MRPS23: variants seen among roughly 807,000 people sequenced by gnomAD.
The protein encoded by MRPS23 is mitochondrial ribosomal protein S23, also known as small ribosomal subunit protein mS23.
Under a neutral mutation model 19.8 loss-of-function variants are expected in MRPS23, and 14 were observed. The ratio of observed to expected loss-of-function variants is 0.71; its 90% CI spans 0.47 to 1.11. The LOEUF (loss-of-function observed/expected upper bound fraction) is 1.11. MRPS23 is among the 50% of genes least tolerant of loss of function. The pLI, the probability that MRPS23 is intolerant of heterozygous loss-of-function variation, is 0.00. For synonymous variants in MRPS23, 113 were observed against 89.7 expected (o/e 1.26, Z -1.47); for missense variants, 242 against 236.7 (o/e 1.02, Z -0.15).
intron 2 of MRPS23, among the ~76,000 whole-genome samples, chr17:57,842,891 T>TACACACACACACAC (rs35501487): frequency 7.8e-5 from 6 of 76,606 alleles, no homozygotes; most frequent in African/African-American, 3.0e-4. Context: ...TATATATATA[T>TACACACACACACAC]ACACACACAC....
At chr17:57,841,426 T>G (rs550901257) in intron 2 of MRPS23, among the ~76,000 whole-genome samples, 166 bp from the exon 3 acceptor site, 1 of 152,168 alleles carries the variant, frequency 6.6e-6, no homozygotes, top group East Asian at 1.9e-4. Context: ...AATGCACACA[T>G]GCACATGGTA....
intron 2 of MRPS23, among the ~76,000 whole-genome samples, chr17:57,841,687 G>A (rs961549042): frequency 5.9e-5 from 9 of 152,232 alleles, no homozygotes; most frequent in East Asian, 1.9e-4. Context: ...ATGGCTAGGC[G>A]CAGTGGCTCA....
At chr17:57,846,722 T>C (rs951907953) in intron 2 of MRPS23, among the ~76,000 whole-genome samples, 1 of 152,022 alleles carries the variant, frequency 6.6e-6, no homozygotes, top group African/African-American at 2.4e-5. Context: ...GGCAGCATGC[T>C]CGTTAAGAGT....
At position 57,841,193 on chromosome 17, in the gene MRPS23, T is replaced by TA; in HGVS notation, c.282dup (p.Thr95TyrfsTer11). 6.2e-7 allele frequency: 1 copy of TA among 1,614,164 alleles called. No individual in the cohort carries two copies. The highest frequency in any genetic ancestry group is 8.5e-7 in the Non-Finnish European group (1 of 1,180,022). On this transcript the variant is annotated frameshift_variant, in exon 3 of 5. Transcript: ENST00000313608. LOFTEE classifies it high-confidence loss of function. ...TATAAAATGGCTTACCGTTGACAGGTAGACTTGAAGTTTGGATTGAATAGA... is the reference window on the plus strand; with the variant it reads ...TATAAAATGGCTTACCGTTGACAGGTAAGACTTGAAGTTTGGATTGAATAGA...
chr17:57,849,795 G>A, intron 1 of MRPS23, 172 bp downstream of exon 1: 1 of 761,346 alleles, frequency 1.3e-6, no homozygotes, highest in Non-Finnish European at 2.1e-6. Flanking sequence ...GGCATCCTCA[G>A]GCACAACTAT....
At chr17:57,843,075 GA>G (rs2073751087) in intron 2 of MRPS23, among the ~76,000 whole-genome samples, 1 of 151,822 alleles carries the variant, frequency 6.6e-6, no homozygotes, top group Non-Finnish European at 1.5e-5. Flanking sequence ...AGGAGTTCAA[GA>G]CCAGCCTGGG....
rs11655155 is a variant in MRPS23, at chr17:57,836,836, C to G, written c.*2947G>C. On this transcript the variant is annotated 3_prime_UTR_variant, in exon 5 of 5. Coordinates refer to ENST00000313608, the MANE Select transcript of MRPS23 (RefSeq NM_016070.4). ...GTATTACAGGCACACGCCCGCACGC[C>G]CAGCTAATTTTTTTGTATTTTTAGT... The G allele has an allele frequency of 6.6e-6, 1 of 151,858 alleles. No individual in the cohort carries two copies. Among genetic ancestry groups the G allele is most frequent in the Non-Finnish European group, 1.5e-5 (1 of 67,982 alleles). 9.4% of individuals were successfully genotyped at this position (151,858 alleles called of 1,614,324 possible).
Position 57,846,649 on chromosome 17 carries a change from T to C in MRPS23, c.215+2591A>G, listed in dbSNP as rs1169592532. Among the ~76,000 whole-genome samples, 5 of 152,132 alleles carry C rather than the reference T, an allele frequency of 3.3e-5. No individual in the cohort carries two copies. In the South Asian group the frequency reaches 1.0e-3, roughly 32 times the overall value. ...CCTGCTCTCTGAAACATGTGCTGTGTCCACTCAGGGTTAAATGGATTAAGG... is the reference window on the plus strand; with the variant it reads ...CCTGCTCTCTGAAACATGTGCTGTGCCCACTCAGGGTTAAATGGATTAAGG... On this transcript the variant is annotated intron_variant, in intron 2 of 4. Coordinates refer to ENST00000313608, the MANE Select transcript of MRPS23 (RefSeq NM_016070.4).
In MRPS23 at chr17:57,841,266, A is replaced by G; in HGVS notation, c.216-6T>C. The stretch of plus-strand genomic sequence containing the variant: ...CATACACTGAATAAAACTTCCTAGA[A>G]AATGCAAACAACATAATATAAATCT... On this transcript the variant is annotated splice_polypyrimidine_tract_variant and splice_region_variant and intron_variant, in intron 2 of 4. Coordinates refer to ENST00000313608, the MANE Select transcript of MRPS23 (RefSeq NM_016070.4). 6.2e-7 allele frequency: 1 copy of G among 1,611,922 alleles called. No homozygotes were observed. Among genetic ancestry groups the G allele is most frequent in the Non-Finnish European group, 8.5e-7 (1 of 1,178,828 alleles).
chr17:57,842,114 C>T (rs2073743666), intron 2 of MRPS23, among the ~76,000 whole-genome samples: 1 of 152,084 alleles, frequency 6.6e-6, no homozygotes, highest in African/African-American at 2.4e-5. Context: ...TGGGCTCAAG[C>T]AATCCTCTTG....
At chr17:57,846,861 C>T (rs2073779414) in intron 2 of MRPS23, among the ~76,000 whole-genome samples, 1 of 151,228 alleles carries the variant, frequency 6.6e-6, no homozygotes, top group East Asian at 1.9e-4. Context: ...CACTATTGTC[C>T]TATGACCCTG....
At chr17:57,848,559 G>A (rs992960996) in intron 2 of MRPS23, among the ~76,000 whole-genome samples, 1 of 151,754 alleles carries the variant, frequency 6.6e-6, no homozygotes, top group Non-Finnish European at 1.5e-5. Flanking sequence ...ATTTTTAGTA[G>A]AGACGGGGTT....
chr17:57,846,933 A>T (rs537159755), intron 2 of MRPS23, among the ~76,000 whole-genome samples: 3,381 of 150,578 alleles, frequency 0.022, 111 homozygotes, highest in African/African-American at 0.075. Flanking sequence ...AAAATAAAAA[A>T]TAATAAAAAT....
Position 57,841,165 on chromosome 17 carries a change from A to C in MRPS23, c.293+18T>G. Reference sequence around the variant, plus strand: ...TAAAAAATAATATGAATAGCCTAGGACTTATAAAATGGCTTACCGTTGACA... The same window carrying C: ...TAAAAAATAATATGAATAGCCTAGGCCTTATAAAATGGCTTACCGTTGACA... On this transcript the variant is annotated intron_variant, in intron 3 of 4. Transcript: ENST00000313608. 1.2e-6 allele frequency: 2 copies of C among 1,613,774 alleles called. No homozygotes were observed. Among genetic ancestry groups the C allele is most frequent in the Non-Finnish European group, 1.7e-6 (2 of 1,179,764 alleles).
At position 57,849,306 on chromosome 17, in the gene MRPS23, C is replaced by T. The variant is rs746305531; in HGVS notation, c.149G>A (p.Arg50Gln). 1.2e-6 allele frequency: 2 copies of T among 1,614,218 alleles called. No individual in the cohort carries two copies. Among genetic ancestry groups the T allele is most frequent in the East Asian group, 2.2e-5 (1 of 44,892 alleles). ...PLREPVFQRPRVRYGKAKAPI... is the reference protein window; with the variant it reads ...PLREPVFQRPQVRYGKAKAPI... The stretch of plus-strand genomic sequence containing the variant: ...AGCTTTGGCTTTGCCATATCGCACT[C>T]GAGGCCTTTGGAAGACGGGCTCCCT... The change falls in exon 2 of 5, where the codon CGA becomes CAA. Residue 50 changes from arginine (R) to glutamine (Q), a missense_variant. Arg to Gln is a conservative substitution (Grantham distance 43, BLOSUM62 1). Transcript: ENST00000313608.
rs963620548 is a variant in MRPS23 at position 57,839,216 on chromosome 17, ATTAAAG to A, written c.*561_*566del. 1.3e-5 allele frequency: 2 copies of A among 152,868 alleles called. No individual in the cohort carries two copies. The highest frequency in any genetic ancestry group is 2.4e-5 in the African/African-American group (1 of 41,468). 9.5% of individuals were successfully genotyped at this position (152,868 alleles called of 1,614,324 possible). A position where few individuals can be genotyped will look rare whatever the true frequency, so the allele number is the denominator to read the frequency against. ...GTCTCCAGCACACTCAATCCATGAC[ATTAAAG>A]TTACAGTTTTGGTCTTTGTGTATCA... On this transcript the variant is annotated 3_prime_UTR_variant, in exon 5 of 5. Transcript: ENST00000313608.
chr17:57,847,867 T>A (rs924319703), intron 2 of MRPS23, among the ~76,000 whole-genome samples: 1 of 151,680 alleles, frequency 6.6e-6, no homozygotes, highest in South Asian at 2.1e-4. Flanking sequence ...CGGCTAATTT[T>A]TGGTATTTTA....
chr17:57,847,079 G>C (rs892862293), intron 2 of MRPS23, among the ~76,000 whole-genome samples: 2 of 151,134 alleles, frequency 1.3e-5, no homozygotes, highest in Admixed American at 1.3e-4. Flanking sequence ...GGCGGATCAC[G>C]AGGTCAGGAG....
intron 2 of MRPS23, among the ~76,000 whole-genome samples, chr17:57,842,081 A>G (rs1267465962): frequency 6.6e-6 from 1 of 152,036 alleles, no homozygotes; most frequent in African/African-American, 2.4e-5. Flanking sequence ...CTGTGATCAT[A>G]GCTCACTGCA....
Sources: allele counts gnomAD v4.1 joint callset (sites outside exome capture counted in the v4.1 genomes callset), GRCh38; gene constraint gnomAD v4.1.1; transcripts MANE v1.5; gene names NCBI Gene and HGNC (gene_info 2026-07-23, HGNC 2026-07-21).